COL25A1: variants seen among roughly 807,000 people sequenced by gnomAD.
The protein encoded by COL25A1 is collagen type XXV alpha 1 chain.
COL25A1 carries 103 observed loss-of-function variants against 128.4 expected under a neutral mutation model. The observed-to-expected ratio is 0.80, with a 90% CI of 0.68 to 0.94. The LOEUF is 0.94. Ranked by LOEUF, COL25A1 falls within the 40% of genes least tolerant of loss-of-function variation. COL25A1 has a pLI of 0.00. For missense variants in COL25A1, 745 were observed against 840.0 expected (o/e 0.89, Z 1.40); for synonymous variants, 279 against 277.2 (o/e 1.01, Z -0.06).
chr4:109,277,401 T>C (rs1237502513), intron 3 of COL25A1, among the ~76,000 whole-genome samples: 1 of 152,136 alleles, frequency 6.6e-6, no homozygotes, highest in Non-Finnish European at 1.5e-5. Context: ...ATTAGCCTGG[T>C]TGAAAGACAG....
intron 20 of COL25A1, among the ~76,000 whole-genome samples, chr4:108,863,973 C>T (rs1353466995): frequency 1.3e-5 from 2 of 152,278 alleles, no homozygotes; most frequent in East Asian, 3.9e-4. Context: ...AACCCAGGGT[C>T]TCCTCCAGCT....
chr4:108,976,909 T>C (rs1254847558), intron 6 of COL25A1, among the ~76,000 whole-genome samples: 1 of 152,230 alleles, frequency 6.6e-6, no homozygotes, highest in African/African-American at 2.4e-5. Flanking sequence ...TGTTATTGCA[T>C]TTAATCTTTT....
chr4:108,859,277 A>C (rs2125787844), intron 24 of COL25A1, among the ~76,000 whole-genome samples: 1 of 152,304 alleles, frequency 6.6e-6, no homozygotes, highest in South Asian at 2.1e-4. Context: ...TCACACATTT[A>C]GTAAACAAGA....
At chr4:108,847,670 G>A (rs377604052) in intron 27 of COL25A1, among the ~76,000 whole-genome samples, 51 of 152,042 alleles carry the variant, frequency 3.4e-4, no homozygotes, top group African/African-American at 1.1e-3. Flanking sequence ...TGCTTATAAT[G>A]ACCAATGGTC....
chr4:109,128,084 A>G (rs72670353), intron 3 of COL25A1, among the ~76,000 whole-genome samples: 4,945 of 152,246 alleles, frequency 0.032, 142 homozygotes, highest in Non-Finnish European at 0.045. Flanking sequence ...GTAAATAAGC[A>G]GCTTGATAAG....
At chr4:109,203,007 C>G (rs918486190) in intron 3 of COL25A1, among the ~76,000 whole-genome samples, 4 of 151,664 alleles carry the variant, frequency 2.6e-5, no homozygotes, top group African/African-American at 9.7e-5. Context: ...TAAAAAAAAT[C>G]AAAGAAATAA....
chr4:109,297,873 T>C (rs908419444), intron 3 of COL25A1, among the ~76,000 whole-genome samples: 12 of 138,202 alleles, frequency 8.7e-5, no homozygotes, highest in African/African-American at 2.7e-4. Context: ...TTTTTTTTTT[T>C]TTTTTTTTTT....
Position 108,898,211 on chromosome 4 carries a change from G to A in COL25A1, c.861+943C>T, listed in dbSNP as rs562097117. On this transcript the variant is annotated intron_variant, in intron 15 of 37. Transcript: ENST00000399132. ...ATTGCAAAGTGAAGGGTTTAACTGA[G>A]CTGTCCCCTCAGGAAACTGCCCTTT... is the stretch of plus-strand genomic sequence containing the variant. 1.2e-3 allele frequency among the ~76,000 whole-genome samples: 181 copies of A among 152,234 alleles called. 1 individual carries two copies. Among genetic ancestry groups the A allele is most frequent in the Middle Eastern group, 3.4e-3 (1 of 294 alleles).
At chr4:108,834,319 C>T (rs1373123066) in intron 31 of COL25A1, 1 of 1,548,678 alleles carries the variant, frequency 6.5e-7, no homozygotes, top group Non-Finnish European at 8.7e-7. Context: ...TTCACAGCCA[C>T]AAAACATGTC....
At chr4:108,956,211 C>T (rs1456929564) in intron 8 of COL25A1, among the ~76,000 whole-genome samples, 1 of 152,070 alleles carries the variant, frequency 6.6e-6, no homozygotes, top group Non-Finnish European at 1.5e-5. Context: ...GGTGGATGCA[C>T]TTATGTAACT....
At chr4:108,966,722 G>T (rs1348748575) in intron 8 of COL25A1, among the ~76,000 whole-genome samples, 1 of 151,852 alleles carries the variant, frequency 6.6e-6, no homozygotes, top group Non-Finnish European at 1.5e-5. Context: ...ATGGTAGTGT[G>T]TGCCTGTAGT....
At chr4:108,977,185 A>T (rs1191820252) in intron 6 of COL25A1, among the ~76,000 whole-genome samples, 1 of 152,166 alleles carries the variant, frequency 6.6e-6, no homozygotes, top group East Asian at 1.9e-4. Flanking sequence ...TGTCACAGAC[A>T]CTAGTCCCAG....
intron 3 of COL25A1, among the ~76,000 whole-genome samples, chr4:109,105,584 CTTG>C (rs10587918): frequency 0.11 from 16,682 of 152,090 alleles, 1,154 homozygotes; most frequent in African/African-American, 0.19. Flanking sequence ...ATTAAATAAT[CTTG>C]TTGGTGACAA....
At chr4:109,271,876 TG>T (rs1782221685) in intron 3 of COL25A1, among the ~76,000 whole-genome samples, 1 of 152,216 alleles carries the variant, frequency 6.6e-6, no homozygotes, top group Non-Finnish European at 1.5e-5. Context: ...ATGTTTTTAT[TG>T]TAAGTGGTAT....
intron 3 of COL25A1, among the ~76,000 whole-genome samples, chr4:109,268,662 C>G (rs1030639625): frequency 6.6e-6 from 1 of 152,154 alleles, no homozygotes; most frequent in South Asian, 2.1e-4. Context: ...ATCACGATAA[C>G]CTAATATGTA....
At chr4:109,245,381 G>A (rs1780190731) in intron 3 of COL25A1, among the ~76,000 whole-genome samples, 1 of 152,136 alleles carries the variant, frequency 6.6e-6, no homozygotes, top group African/African-American at 2.4e-5. Context: ...GGAAGTCAAA[G>A]CATCTATCAA....
chr4:108,881,520 T>C (rs1578644537), intron 19 of COL25A1, among the ~76,000 whole-genome samples: 1 of 152,326 alleles, frequency 6.6e-6, no homozygotes, highest in Non-Finnish European at 1.5e-5. Context: ...TTATGAGTAA[T>C]GCGCTTGCTA....
At position 109,016,723 on chromosome 4, in the gene COL25A1, T is replaced by C. The variant is rs535357094; in HGVS notation, c.421-6348A>G. On this transcript the variant is annotated intron_variant, in intron 5 of 37. Transcript: ENST00000399132. ...CCTGCCTGCAGAAAGGAGCTACTGC[T>C]CTGGGTCTCCTATCTGCTGAGAGTT... Among the ~76,000 whole-genome samples the C allele has an allele frequency of 2.0e-5, 3 of 152,306 alleles. No individual in the cohort carries two copies. In the East Asian group the frequency reaches 5.8e-4, roughly 29 times the overall value.
intron 3 of COL25A1, among the ~76,000 whole-genome samples, chr4:109,083,648 G>T (rs929065377): frequency 1.3e-5 from 2 of 151,654 alleles, no homozygotes; most frequent in Non-Finnish European, 2.9e-5. Flanking sequence ...ATTTTTAGTA[G>T]AGACGGGGTT....
Sources: allele counts gnomAD v4.1 joint callset (sites outside exome capture counted in the v4.1 genomes callset), GRCh38; gene constraint gnomAD v4.1.1; transcripts MANE v1.5; gene names NCBI Gene and HGNC (gene_info 2026-07-23, HGNC 2026-07-21).